MOB4: variants seen among roughly 807,000 people sequenced by gnomAD.
MOB4 encodes the protein MOB-like protein phocein.
In MOB4, 4 loss-of-function variants were observed where a neutral mutation model predicts 32.2. That is an observed-to-expected ratio of 0.12 (90% CI 0.06 to 0.28). The LOEUF is 0.28. MOB4 is among the 10% of genes least tolerant of loss of function. MOB4 has a pLI of 1.00. For synonymous variants in MOB4, 88 were observed against 88.1 expected, an observed-to-expected ratio of 1.00 and a Z score of 0.01; for missense variants, 158 against 271.2, an observed-to-expected ratio of 0.58 and a Z score of 2.93.
chr2:197,531,057 T>TTA (rs1559317985), intron 2 of MOB4, among the ~76,000 whole-genome samples: 20 of 151,090 alleles, frequency 1.3e-4, no homozygotes, highest in Middle Eastern at 3.4e-3. Flanking sequence ...ATTTTTATTT[T>TTA]TTTTTTTTGA....
chr2:197,524,548 C>G (rs901599967), intron 2 of MOB4, among the ~76,000 whole-genome samples: 2 of 133,774 alleles, frequency 1.5e-5, no homozygotes, highest in African/African-American at 2.8e-5. Context: ...AAAAAAAAAA[C>G]AAAAACAAAA....
chr2:197,540,462 C>A, intron 5 of MOB4, 25 bp downstream of exon 5: 1 of 1,542,614 alleles, frequency 6.5e-7, no homozygotes, highest in East Asian at 2.3e-5. Flanking sequence ...AATAGAGTAA[C>A]TAATAAAATT....
Position 197,553,001 on chromosome 2 carries a change from A to C in MOB4, c.*2355A>C, listed in dbSNP as rs2087121937. The C allele has an allele frequency of 6.6e-6, 1 of 152,198 alleles. No individual in the cohort carries two copies. The highest frequency in any genetic ancestry group is 2.4e-5 in the African/African-American group (1 of 41,448). The allele number at this position is 152,198 out of a possible 1,614,324, so 9.4% of individuals were successfully genotyped here. On this transcript the variant is annotated 3_prime_UTR_variant, in exon 8 of 8. Transcript: ENST00000323303. ...CTGGGAAAGTAGCTAACTTTTAACT[A>C]TTTATGTTCCCATAAGTAACCCTTC...
At position 197,527,150 on chromosome 2, in the gene MOB4, T is replaced by A. The variant is rs1213906724; in HGVS notation, c.123+3464T>A. On this transcript the variant is annotated intron_variant, in intron 2 of 7. Coordinates refer to ENST00000323303, the MANE Select transcript of MOB4 (RefSeq NM_015387.5). ...TTGCAATTCCATATAAATTTGAGGATCACCTTTTCCGTATCTGCAAAAAAA... is the reference window on the plus strand; with the variant it reads ...TTGCAATTCCATATAAATTTGAGGAACACCTTTTCCGTATCTGCAAAAAAA... Among the ~76,000 whole-genome samples the A allele has an allele frequency of 2.0e-5, 3 of 152,088 alleles. No homozygotes were observed. The East Asian group carries it at 5.8e-4, about 29-fold the overall frequency.
intron 2 of MOB4, among the ~76,000 whole-genome samples, chr2:197,525,453 C>T (rs927681448): frequency 2.6e-5 from 4 of 151,822 alleles, no homozygotes; most frequent in Admixed American, 2.0e-4. Context: ...AAAAACCACC[C>T]ATCTGGGTGT....
chr2:197,533,917 A>G (rs944879472), intron 2 of MOB4: 1 of 603,640 alleles, frequency 1.7e-6, no homozygotes, highest in Non-Finnish European at 3.2e-6. Context: ...TAATAAAATC[A>G]GGTACAACTC....
At chr2:197,541,907 A>T (rs1001403664) in intron 5 of MOB4, among the ~76,000 whole-genome samples, 1 of 150,092 alleles carries the variant, frequency 6.7e-6, no homozygotes, top group Non-Finnish European at 1.5e-5. Context: ...CGACAGAGCG[A>T]GACTCCGTCT....
chr2:197,528,902 C>T (rs2086654151), intron 2 of MOB4, among the ~76,000 whole-genome samples: 1 of 152,066 alleles, frequency 6.6e-6, no homozygotes, highest in Admixed American at 6.6e-5. Flanking sequence ...CAGGCGTGAG[C>T]CACCGCGCCT....
upstream of MOB4, chr2:197,515,577 T>G (rs1277067508): frequency 1.3e-5 from 2 of 153,298 alleles, no homozygotes; most frequent in Admixed American, 1.3e-4. Flanking sequence ...TTGGGTCGAT[T>G]TCACGCAGGT....
intron 2 of MOB4, among the ~76,000 whole-genome samples, chr2:197,535,294 A>C (rs2086779342): frequency 6.6e-6 from 1 of 152,068 alleles, no homozygotes; most frequent in Non-Finnish European, 1.5e-5. Flanking sequence ...CAAATACAAT[A>C]TCTGCATTTA....
At chr2:197,543,721 TAAGGGTAATAG>T (rs2086939766) in intron 5 of MOB4, among the ~76,000 whole-genome samples, 1 of 152,072 alleles carries the variant, frequency 6.6e-6, no homozygotes, top group African/African-American at 2.4e-5. Flanking sequence ...AGTTAGTGCT[TAAGGGTAATAG>T]ACTTTTTTCT....
intron 3 of MOB4, among the ~76,000 whole-genome samples, 198 bp from the exon 4 acceptor site, chr2:197,539,913 T>C (rs1248050122): frequency 6.6e-6 from 1 of 152,192 alleles, no homozygotes; most frequent in Non-Finnish European, 1.5e-5. Context: ...TGGTATTGAA[T>C]GTTATGAGGG....
At chr2:197,527,372 A>G (rs1264840319) in intron 2 of MOB4, among the ~76,000 whole-genome samples, 1 of 152,032 alleles carries the variant, frequency 6.6e-6, no homozygotes, top group Non-Finnish European at 1.5e-5. Context: ...CTCCTTATTT[A>G]AATCTATTTC....
At chr2:197,535,773 G>C in intron 3 of MOB4, 143 bp downstream of exon 3, 1 of 850,268 alleles carries the variant, frequency 1.2e-6, no homozygotes, top group Non-Finnish European at 1.8e-6. Flanking sequence ...AGTGTCACAA[G>C]GTTCTCAGCT....
At chr2:197,526,607 C>T (rs529880036) in intron 2 of MOB4, among the ~76,000 whole-genome samples, 25 of 152,280 alleles carry the variant, frequency 1.6e-4, no homozygotes, top group Admixed American at 1.4e-3. Context: ...TGAGCCGTCA[C>T]GCCCAGCATT....
chr2:197,519,116 G>A (rs528731807), intron 1 of MOB4, among the ~76,000 whole-genome samples: 267 of 151,540 alleles, frequency 1.8e-3, no homozygotes, highest in Non-Finnish European at 2.9e-3. Flanking sequence ...GGTTGGTCTC[G>A]AACTCCTGAC....
At chr2:197,517,298 A>C (rs2086431990) in intron 1 of MOB4, among the ~76,000 whole-genome samples, 1 of 152,184 alleles carries the variant, frequency 6.6e-6, no homozygotes, top group Non-Finnish European at 1.5e-5. Context: ...TTTCAGAGAA[A>C]ATTTTAAAGT....
At chr2:197,516,186 C>A in intron 1 of MOB4, 40 bp downstream of exon 1, 1 of 1,570,548 alleles carries the variant, frequency 6.4e-7, no homozygotes, top group Non-Finnish European at 8.6e-7. Context: ...AACTAGGTGC[C>A]GAGCAGTGCT....
intron 5 of MOB4, among the ~76,000 whole-genome samples, chr2:197,543,670 T>C (rs1236029619): frequency 6.6e-6 from 1 of 152,164 alleles, no homozygotes; most frequent in Non-Finnish European, 1.5e-5. Context: ...TATAGACATT[T>C]GAAGGTAGGT....
Sources: gnomAD v4.1 joint callset for allele counts (sites outside exome capture counted in the v4.1 genomes callset) on GRCh38, gnomAD v4.1.1 for gene constraint, MANE v1.5 for transcripts, NCBI Gene and HGNC (gene_info 2026-07-23, HGNC 2026-07-21) for gene names.